Variants in GPC3 observed in about 807,000 individuals in gnomAD.
GPC3 encodes glypican-3.
In GPC3, 3 loss-of-function variants were observed where a neutral mutation model predicts 34.4. That is an observed-to-expected ratio of 0.09 (90% CI 0.04 to 0.23). The LOEUF is 0.23. GPC3 is among the 10% of genes least tolerant of loss of function. GPC3 has a pLI of 1.00. For synonymous variants in GPC3, 177 were observed against 174.0 expected, an observed-to-expected ratio of 1.02 and a Z score of -0.13; for missense variants, 351 against 445.6, an observed-to-expected ratio of 0.79 and a Z score of 1.91.
At chrX:133,691,220 T>G (rs963097862) in intron 5 of GPC3, among the ~76,000 whole-genome samples, 2 of 111,498 alleles carry the variant, frequency 1.8e-5, no homozygotes, top group African/African-American at 6.5e-5. Flanking sequence ...AATACTCGGC[T>G]GGGTGGAGTG....
At chrX:133,671,165 A>T (rs2070823460) in intron 5 of GPC3, 1 of 1,114,821 alleles carries the variant, frequency 9.0e-7, no homozygotes, top group African/African-American at 1.8e-5. Flanking sequence ...ATTTGGATTC[A>T]GAACTCATTT....
chrX:133,819,996 T>A (rs1358120414), intron 2 of GPC3, among the ~76,000 whole-genome samples: 5 of 111,991 alleles, frequency 4.5e-5, no homozygotes, highest in Non-Finnish European at 9.4e-5. Flanking sequence ...CCTGAACTAT[T>A]ATCTTCATTG....
Position 133,814,714 on chromosome X carries a change from T to C in GPC3, c.338-60538A>G, listed in dbSNP as rs1221600777. 3.6e-5 allele frequency among the ~76,000 whole-genome samples: 4 copies of C among 110,390 alleles called. No individual in the cohort carries two copies. In the Admixed American group the frequency reaches 3.9e-4, roughly 11 times the overall value. ...TCCCAAGTAGCTGGGTTTACAGGCA[T>C]ACACCACCACGCCCAGCTAATTTTT... On this transcript the variant is annotated intron_variant, in intron 2 of 7. Coordinates refer to ENST00000370818, the MANE Select transcript of GPC3 (RefSeq NM_004484.4).
intron 6 of GPC3, among the ~76,000 whole-genome samples, chrX:133,627,847 G>A (rs1208417714): frequency 1.8e-5 from 2 of 112,240 alleles, no homozygotes; most frequent in African/African-American, 6.5e-5. Context: ...TAGGCTCTGA[G>A]TAAACGCAGA....
rs777716456 is a variant in GPC3 at position 133,650,455 on chromosome X, ACC to A, written c.1413+11273_1413+11274del. Among the ~76,000 whole-genome samples the A allele has an allele frequency of 1.4e-3, 123 of 85,794 alleles. 1 individual carries two copies. Among genetic ancestry groups the A allele is most frequent in the African/African-American group, 4.4e-3 (105 of 23,809 alleles). 74.5% of individuals were successfully genotyped at this position (85,794 alleles called of 115,157 possible). On this transcript the variant is annotated intron_variant, in intron 6 of 7. Coordinates refer to ENST00000370818, the MANE Select transcript of GPC3 (RefSeq NM_004484.4). ...TTGATTTAAACACACCCACACACCC[ACC>A]CACACACACACACACACACACACAC... is the stretch of plus-strand genomic sequence containing the variant.
At chrX:133,816,641 C>T (rs1223553615) in intron 2 of GPC3, among the ~76,000 whole-genome samples, 1 of 111,535 alleles carries the variant, frequency 9.0e-6, no homozygotes, top group Non-Finnish European at 1.9e-5. Flanking sequence ...TATTGGTTAA[C>T]ACCCAATTTT....
intron 1 of GPC3, among the ~76,000 whole-genome samples, chrX:133,968,238 G>T (rs187412098): frequency 1.4e-3 from 162 of 112,381 alleles, no homozygotes; most frequent in African/African-American, 5.2e-3. Flanking sequence ...CTCAATCAAC[G>T]TGGGGACCAC....
chrX:133,599,934 T>C (rs1437002336), intron 6 of GPC3, among the ~76,000 whole-genome samples: 1 of 111,632 alleles, frequency 9.0e-6, no homozygotes, highest in East Asian at 2.8e-4. Flanking sequence ...CAAGCCAAGT[T>C]CTAACGCCAT....
At chrX:133,620,089 G>A (rs749800080) in intron 6 of GPC3, among the ~76,000 whole-genome samples, 6 of 107,716 alleles carry the variant, frequency 5.6e-5, no homozygotes, top group South Asian at 4.3e-4. Context: ...GTGAGGTGGC[G>A]GGAACCTGTA....
At chrX:133,766,023 T>C (rs2071840966) in intron 2 of GPC3, among the ~76,000 whole-genome samples, 1 of 111,992 alleles carries the variant, frequency 8.9e-6, no homozygotes, top group Non-Finnish European at 1.9e-5. Context: ...GCCTACTCTC[T>C]TGTTAATGAT....
chrX:133,710,420 G>A (rs1435506633), intron 3 of GPC3, among the ~76,000 whole-genome samples: 3 of 112,096 alleles, frequency 2.7e-5, no homozygotes, highest in East Asian at 5.6e-4. Context: ...AAGATCAAGC[G>A]AAACAATGGT....
chrX:133,974,781 C>T (rs2124648669), intron 1 of GPC3, among the ~76,000 whole-genome samples: 1 of 111,291 alleles, frequency 9.0e-6, no homozygotes, highest in East Asian at 2.8e-4. Context: ...GCTTCAATTA[C>T]CATCTATATG....
intron 1 of GPC3, among the ~76,000 whole-genome samples, chrX:133,981,908 GGCCTTC>G (rs2076541429): frequency 8.9e-6 from 1 of 111,996 alleles, no homozygotes; most frequent in African/African-American, 3.2e-5. Flanking sequence ...CACTTTCCAA[GGCCTTC>G]CAAGGCAAGA....
chrX:133,667,257 C>A (rs2070777186), intron 5 of GPC3, among the ~76,000 whole-genome samples: 1 of 111,673 alleles, frequency 9.0e-6, no homozygotes, highest in African/African-American at 3.3e-5. Flanking sequence ...ATATAGTATT[C>A]TTTAATATAG....
chrX:133,651,321 T>C (rs1157674907), intron 6 of GPC3, among the ~76,000 whole-genome samples: 1 of 110,266 alleles, frequency 9.1e-6, no homozygotes, highest in African/African-American at 3.3e-5. Flanking sequence ...CACCTCAACA[T>C]ACATGTAAAT....
At chrX:133,777,210 T>C (rs1394219344) in intron 2 of GPC3, among the ~76,000 whole-genome samples, 3 of 111,133 alleles carry the variant, frequency 2.7e-5, no homozygotes, top group African/African-American at 9.8e-5. Context: ...CTTATTCTCC[T>C]GGTTTCAACC....
At chrX:133,652,849 C>T (rs1030013273) in intron 6 of GPC3, among the ~76,000 whole-genome samples, 6 of 112,264 alleles carry the variant, frequency 5.3e-5, no homozygotes, top group African/African-American at 1.6e-4. Context: ...TTGTTTTCAT[C>T]GGATTTTGTT....
chrX:133,537,804 A>G (rs763789761), intron 7 of GPC3, among the ~76,000 whole-genome samples: 4 of 111,365 alleles, frequency 3.6e-5, no homozygotes, highest in African/African-American at 1.3e-4. Context: ...ATATTTCTCA[A>G]TGTGTAGTAG....
At chrX:133,598,316 C>T (rs1157372496) in intron 6 of GPC3, among the ~76,000 whole-genome samples, 1 of 106,204 alleles carries the variant, frequency 9.4e-6, no homozygotes, top group Admixed American at 9.9e-5. Context: ...CCATCCCCAG[C>T]TAATTTTTTT....
Sources: gnomAD v4.1 joint callset for allele counts (sites outside exome capture counted in the v4.1 genomes callset) on GRCh38, gnomAD v4.1.1 for gene constraint, MANE v1.5 for transcripts, NCBI Gene and HGNC (gene_info 2026-07-23, HGNC 2026-07-21) for gene names.